Variants in DCAF13 observed in about 807,000 individuals in gnomAD.
DCAF13 encodes the protein DDB1 and CUL4 associated factor 13, also known as DDB1- and CUL4-associated factor 13.
A neutral mutation model predicts 59.0 loss-of-function variants in DCAF13; 38 were observed. That is an observed-to-expected ratio of 0.64 (90% CI 0.50 to 0.84). DCAF13 has a LOEUF of 0.84. Ranked by LOEUF, DCAF13 falls within the 40% of genes least tolerant of loss-of-function variation. The pLI, the probability that DCAF13 is intolerant of heterozygous loss-of-function variation, is 0.00. For missense variants in DCAF13, 469 were observed against 558.4 expected (o/e 0.84, Z 1.61); for synonymous variants, 173 against 175.0 (o/e 0.99, Z 0.09).
intron 8 of DCAF13, among the ~76,000 whole-genome samples, chr8:103,436,076 A>C (rs1224094086): frequency 1.3e-5 from 2 of 152,188 alleles, no homozygotes; most frequent in Non-Finnish European, 2.9e-5. Flanking sequence ...ACACAGGAAA[A>C]GTACAGTAAA....
At chr8:103,422,147 A>G (rs1816730271) in intron 3 of DCAF13, among the ~76,000 whole-genome samples, 1 of 152,210 alleles carries the variant, frequency 6.6e-6, no homozygotes, top group African/African-American at 2.4e-5. Context: ...AGGTTTGACA[A>G]CTGAGAGGTG....
rs1299516737 is a variant in DCAF13 at position 103,435,702 on chromosome 8, G to A, written c.862G>A (p.Val288Met). Residue 288 changes from valine (V) to methionine (M), a missense_variant, in exon 8 of 11, where the codon GTG becomes ATG. Physicochemically the swap from Val to Met is conservative, Grantham distance 21. This residue lies in a region of DCAF13 where 355 missense variants were observed against 399.1 expected (regional missense o/e 0.89). Transcript: ENST00000612750. ...GGATCATGTATCTGCAGTGCTTGAT[G>A]TGGATTACTCTCCCACTGGGAAGGA... ...HMDHVSAVLD[V>M]DYSPTGKEFV... The A allele has an allele frequency of 6.2e-7, 1 of 1,613,486 alleles. No individual in the cohort carries two copies. The highest frequency in any genetic ancestry group is 1.7e-5 in the Admixed American group (1 of 60,004).
intron 1 of DCAF13, among the ~76,000 whole-genome samples, chr8:103,418,858 A>ATTTTTTTTT (rs1170003003): frequency 2.9e-5 from 1 of 34,950 alleles, no homozygotes; most frequent in African/African-American, 1.5e-4. Flanking sequence ...ATATATATAT[A>ATTTTTTTTT]TATATATATT....
chr8:103,434,140 A>C (rs1021887308), intron 7 of DCAF13, among the ~76,000 whole-genome samples: 2 of 151,876 alleles, frequency 1.3e-5, no homozygotes, highest in Non-Finnish European at 2.9e-5. Flanking sequence ...ATTTGTAAGT[A>C]TTTTTTTCTT....
intron 7 of DCAF13, among the ~76,000 whole-genome samples, chr8:103,433,915 T>G (rs1816899123): frequency 6.6e-6 from 1 of 152,078 alleles, no homozygotes; most frequent in African/African-American, 2.4e-5. Context: ...ACAGCATTAT[T>G]GTGACCAACC....
At position 103,417,160 on chromosome 8, in the gene DCAF13, A is replaced by C. The variant is rs191930302; in HGVS notation, c.70+1644A>C. ...ACAGTGATTGAAATCACATCTGTTA[A>C]CCACGAAACTTTGCAAAGTGGGGAA... On this transcript the variant is annotated intron_variant, in intron 1 of 10. Coordinates refer to ENST00000612750, the MANE Select transcript of DCAF13 (RefSeq NM_015420.7). Among the ~76,000 whole-genome samples, 628 of 152,332 alleles carry C rather than the reference A, an allele frequency of 4.1e-3. 15 individuals carry two copies. Among genetic ancestry groups the C allele is most frequent in the Admixed American group, 0.038 (586 of 15,298 alleles).
chr8:103,421,105 A>G, intron 3 of DCAF13, 23 bp downstream of exon 3: 1 of 1,420,712 alleles, frequency 7.0e-7, no homozygotes, highest in African/African-American at 1.4e-5. Context: ...CCATTAAGTC[A>G]TTAAATTTGA....
chr8:103,427,365 A>G (rs1370563594), intron 5 of DCAF13, 113 bp downstream of exon 5: 5 of 969,970 alleles, frequency 5.2e-6, no homozygotes, highest in Non-Finnish European at 7.6e-6. Flanking sequence ...GTGTTTTGGC[A>G]TTTTGTCAGT....
intron 9 of DCAF13, 30 bp from the exon 10 acceptor site, chr8:103,441,425 T>C: frequency 6.4e-7 from 1 of 1,567,576 alleles, no homozygotes; most frequent in South Asian, 1.2e-5. Context: ...AACACACTAT[T>C]CATTAAGATA....
intron 5 of DCAF13, chr8:103,428,610 T>TTTCC (rs1816823321): frequency 6.6e-6 from 1 of 152,168 alleles, no homozygotes; most frequent in African/African-American, 2.4e-5. Context: ...GAAAGGCAGC[T>TTTCC]ACCTTTGCAG....
chr8:103,430,692 G>A lies in DCAF13; in HGVS notation c.702+3G>A, dbSNP rs1394350406. ...GGCAAGCTACTCCTTTGAAAAAGGTGAGTTTCAGTTTTGACTTTTGCTTTA... is the reference window on the plus strand; with the variant it reads ...GGCAAGCTACTCCTTTGAAAAAGGTAAGTTTCAGTTTTGACTTTTGCTTTA... On this transcript the variant is annotated splice_donor_region_variant and intron_variant, in intron 6 of 10. Transcript: ENST00000612750. The A allele has an allele frequency of 1.2e-6, 2 of 1,607,090 alleles. No homozygotes were observed. Among genetic ancestry groups the A allele is most frequent in the Non-Finnish European group, 1.7e-6 (2 of 1,176,208 alleles).
intron 7 of DCAF13, 30 bp from the exon 8 acceptor site, chr8:103,435,596 T>C (rs750886891): frequency 1.3e-6 from 2 of 1,486,834 alleles, no homozygotes; most frequent in Non-Finnish European, 1.8e-6. Context: ...TCTAGAAATA[T>C]GTGTCAAATA....
intron 3 of DCAF13, among the ~76,000 whole-genome samples, chr8:103,423,395 G>T (rs1358395128): frequency 6.6e-6 from 1 of 152,214 alleles, no homozygotes; most frequent in Middle Eastern, 3.4e-3. Context: ...AGGAAATCCT[G>T]TCACTTGCAG....
At chr8:103,426,957 T>C (rs1424372936) in intron 4 of DCAF13, 140 bp from the exon 5 acceptor site, 3 of 583,062 alleles carry the variant, frequency 5.1e-6, no homozygotes, top group Non-Finnish European at 8.5e-6. Flanking sequence ...TTTCCCCCTT[T>C]AAGTAAGGAC....
At chr8:103,439,509 CT>C (rs1816978007) in intron 8 of DCAF13, 1 of 151,874 alleles carries the variant, frequency 6.6e-6, no homozygotes, top group South Asian at 2.1e-4. Flanking sequence ...CTGCCTCAGC[CT>C]CCCTAGTAAC....
At chr8:103,432,611 A>G in intron 6 of DCAF13, 48 bp from the exon 7 acceptor site, 1 of 1,228,844 alleles carries the variant, frequency 8.1e-7, no homozygotes, top group Non-Finnish European at 1.2e-6. Context: ...TCAGTGGGGA[A>G]AAGAAAAGGA....
At position 103,436,711 on chromosome 8, in the gene DCAF13, T is replaced by C. The variant is rs1194109594; in HGVS notation, c.950+921T>C. On this transcript the variant is annotated intron_variant, in intron 8 of 10. Transcript: ENST00000612750. The stretch of plus-strand genomic sequence containing the variant: ...CTTTAAAAACTAAGTCCTGTATAGA[T>C]ACAGCCCCCTGTATAGTGAATTATG... Among the ~76,000 whole-genome samples the C allele has an allele frequency of 4.6e-5, 7 of 152,318 alleles. No homozygotes were observed. In the East Asian group the frequency reaches 1.2e-3, roughly 25 times the overall value.
chr8:103,421,218 A>G (rs1454506344), intron 3 of DCAF13, 136 bp downstream of exon 3: 5 of 706,266 alleles, frequency 7.1e-6, no homozygotes, highest in Middle Eastern at 2.4e-4. Flanking sequence ...AGCTTATTAA[A>G]CCTTGAAAAT....
rs764023488 is a variant in DCAF13 at position 103,415,523 on chromosome 8, T to C, written c.70+7T>C. Reference sequence around the variant, plus strand: ...AAGTTGGACTTACAGAGAGGTAAGATAAGTTGGTAGGGAGAAAGGGACGGT... The same window carrying C: ...AAGTTGGACTTACAGAGAGGTAAGACAAGTTGGTAGGGAGAAAGGGACGGT... On this transcript the variant is annotated splice_region_variant and intron_variant, in intron 1 of 10. Transcript: ENST00000612750. The C allele has an allele frequency of 6.2e-7, 1 of 1,600,268 alleles. No homozygotes were observed. Among genetic ancestry groups the C allele is most frequent in the Non-Finnish European group, 8.5e-7 (1 of 1,171,344 alleles).
Sources: gnomAD v4.1 joint callset for allele counts (sites outside exome capture counted in the v4.1 genomes callset) on GRCh38, gnomAD v4.1.1 for gene constraint, gnomAD v4.1.1 regional missense constraint, MANE v1.5 for transcripts, NCBI Gene and HGNC (gene_info 2026-07-23, HGNC 2026-07-21) for gene names.